The following CREB3L2 variants were observed in gnomAD, a reference collection of about 807,000 sequenced individuals.
CREB3L2 encodes cAMP responsive element binding protein 3 like 2.
In CREB3L2, 23 loss-of-function variants were observed where a neutral mutation model predicts 57.2. The observed-to-expected ratio is 0.40, with a 90% CI of 0.29 to 0.57. CREB3L2 has a LOEUF of 0.57. CREB3L2 is among the 20% of genes least tolerant of loss of function. The pLI is 0.42. For synonymous variants in CREB3L2, 268 were observed against 265.1 expected (o/e 1.01, Z -0.11); for missense variants, 628 against 634.7 (o/e 0.99, Z 0.11).
intron 1 of CREB3L2, among the ~76,000 whole-genome samples, chr7:137,940,165 A>G (rs1800857179): frequency 6.6e-6 from 1 of 152,106 alleles, no homozygotes; most frequent in Non-Finnish European, 1.5e-5. Context: ...CTGCAGTCAT[A>G]AGCTTCTCCT....
At chr7:137,997,867 A>G (rs1443850896) in intron 1 of CREB3L2, among the ~76,000 whole-genome samples, 8 of 152,226 alleles carry the variant, frequency 5.3e-5, no homozygotes, top group South Asian at 2.1e-4. Context: ...CTGGGGAAAG[A>G]GGCAAGGTTT....
intron 1 of CREB3L2, among the ~76,000 whole-genome samples, chr7:137,939,244 T>G (rs1395407396): frequency 6.6e-6 from 1 of 152,174 alleles, no homozygotes; most frequent in East Asian, 1.9e-4. Context: ...CATGACTGTA[T>G]CTGATCCTCA....
intron 1 of CREB3L2, among the ~76,000 whole-genome samples, chr7:137,958,633 T>G (rs971920699): frequency 6.6e-6 from 1 of 152,234 alleles, no homozygotes; most frequent in Non-Finnish European, 1.5e-5. Context: ...TGCTTGGCAT[T>G]TGGTACAATG....
chr7:137,881,509 G>A (rs12673967), intron 11 of CREB3L2, among the ~76,000 whole-genome samples: 10,266 of 152,210 alleles, frequency 0.067, 897 homozygotes, highest in African/African-American at 0.2. Flanking sequence ...TCTGTAAAGT[G>A]CTTAAAATAG....
chr7:137,995,333 C>CTTTTTTTTT (rs10676214), intron 1 of CREB3L2, among the ~76,000 whole-genome samples: 1,296 of 87,380 alleles, frequency 0.015, 25 homozygotes, highest in Non-Finnish European at 0.016. Flanking sequence ...TCTTTTCTTT[C>CTTTTTTTTT]TTTTTTTTTT....
At chr7:137,909,159 T>C (rs1452163327) in intron 4 of CREB3L2, among the ~76,000 whole-genome samples, 1 of 152,154 alleles carries the variant, frequency 6.6e-6, no homozygotes, top group Non-Finnish European at 1.5e-5. Context: ...ATGTGCGTGG[T>C]CATGCCCGCA....
chr7:137,994,833 C>T (rs1453712881), intron 1 of CREB3L2, among the ~76,000 whole-genome samples: 2 of 152,146 alleles, frequency 1.3e-5, no homozygotes, highest in Non-Finnish European at 2.9e-5. Context: ...CTTGGGTTTA[C>T]TGTTTTGCGC....
At chr7:137,921,915 C>T (rs1354014432) in intron 2 of CREB3L2, among the ~76,000 whole-genome samples, 4 of 151,756 alleles carry the variant, frequency 2.6e-5, no homozygotes, top group Admixed American at 6.6e-5. Context: ...GGACTACAGG[C>T]GTGCGTCACC....
intron 6 of CREB3L2, 80 bp downstream of exon 6, chr7:137,905,622 C>T (rs1799869212): frequency 6.8e-7 from 1 of 1,471,834 alleles, no homozygotes; most frequent in Non-Finnish European, 9.5e-7. Flanking sequence ...TAGTGCTGGC[C>T]GTTGGGAAGG....
intron 1 of CREB3L2, among the ~76,000 whole-genome samples, chr7:137,943,025 C>T (rs1800903699): frequency 6.6e-6 from 1 of 152,166 alleles, no homozygotes; most frequent in Non-Finnish European, 1.5e-5. Context: ...TAGTTGCTGG[C>T]ATAGCAGAAA....
chr7:137,912,249 C>T (rs1243734808), intron 4 of CREB3L2, among the ~76,000 whole-genome samples: 8 of 151,740 alleles, frequency 5.3e-5, no homozygotes, highest in African/African-American at 1.7e-4. Flanking sequence ...TGGTGGTGCA[C>T]GCCTGTAATT....
intron 8 of CREB3L2, among the ~76,000 whole-genome samples, chr7:137,895,382 G>A (rs1799608592): frequency 1.3e-5 from 2 of 152,174 alleles, no homozygotes; most frequent in African/African-American, 4.8e-5. Flanking sequence ...GGGCCCCCTG[G>A]GAAACCATCT....
intron 1 of CREB3L2, among the ~76,000 whole-genome samples, chr7:137,979,762 AAC>A (rs1801680905): frequency 1.4e-5 from 2 of 142,856 alleles, no homozygotes; most frequent in Admixed American, 6.9e-5. Context: ...CAACAACAAC[AAC>A]AAAGAACACT....
rs548918345 is a variant in CREB3L2, at chr7:137,933,235, A to C, written c.103-4869T>G. Among the ~76,000 whole-genome samples, 30 of 152,348 alleles carry C rather than the reference A, an allele frequency of 2.0e-4. No homozygotes were observed. The South Asian group carries it at 5.4e-3, about 27-fold the overall frequency. ...ACAGAATGTAACACGCAAATGCAAG[A>C]GGTAAACCCACAGTCCCTGCATTTC... On this transcript the variant is annotated intron_variant, in intron 1 of 11. Transcript: ENST00000330387.
At chr7:137,977,259 G>T (rs1054741318) in intron 1 of CREB3L2, among the ~76,000 whole-genome samples, 20 of 152,194 alleles carry the variant, frequency 1.3e-4, no homozygotes, top group Non-Finnish European at 1.5e-4. Context: ...ACCCTGCCTA[G>T]ATTTTCTAGT....
intron 6 of CREB3L2, among the ~76,000 whole-genome samples, chr7:137,905,454 C>T (rs1799865344): frequency 6.8e-6 from 1 of 147,702 alleles, no homozygotes; most frequent in African/African-American, 2.5e-5. Context: ...GTAAATGTAT[C>T]ATCGTGGGCA....
At chr7:137,934,294 G>A (rs1311207644) in intron 1 of CREB3L2, among the ~76,000 whole-genome samples, 4 of 152,086 alleles carry the variant, frequency 2.6e-5, no homozygotes, top group Admixed American at 2.0e-4. Context: ...AGATATTTAA[G>A]CCTCACAATA....
intron 1 of CREB3L2, among the ~76,000 whole-genome samples, chr7:137,947,303 G>C (rs1047853501): frequency 6.6e-6 from 1 of 151,904 alleles, no homozygotes; most frequent in African/African-American, 2.4e-5. Flanking sequence ...CTCAACACCC[G>C]TAGCAAGAGA....
chr7:138,001,780 G>C lies in CREB3L2; in HGVS notation c.-75C>G, dbSNP rs992281243. On this transcript the variant is annotated 5_prime_UTR_variant, in exon 1 of 12. Transcript: ENST00000330387. This position sits in a 1 kb window ranked among gnomAD's most constrained non-coding sequence, Gnocchi z 4.2. ...CGCAGAGCTGCCTCGGACCGGCAAG[G>C]TTCCTCTCTCTCCGCGTGTGCTTGC... 1.2e-5 allele frequency: 13 copies of C among 1,106,006 alleles called. No homozygotes were observed. The Admixed American group carries it at 3.6e-4, about 30-fold the overall frequency. The allele number at this position is 1,106,006 out of a possible 1,614,324, so 68.5% of individuals were successfully genotyped here. A position where few individuals can be genotyped will look rare whatever the true frequency, so the allele number is the denominator to read the frequency against.
Sources: allele counts gnomAD v4.1 joint callset (sites outside exome capture counted in the v4.1 genomes callset), GRCh38; gene constraint gnomAD v4.1.1; non-coding constraint Gnocchi (gnomAD v3.1); transcripts MANE v1.5; gene names NCBI Gene and HGNC (gene_info 2026-07-23, HGNC 2026-07-21).